Variants in LPCAT1 observed in about 807,000 individuals in gnomAD.
The protein encoded by LPCAT1 is 1-acylglycerol-3-phosphate O-acyltransferase.
In LPCAT1, 23 loss-of-function variants were observed where a neutral mutation model predicts 60.9. That is an observed-to-expected ratio of 0.38 (90% confidence interval 0.27 to 0.53). LPCAT1 has a LOEUF of 0.53. LPCAT1 is among the 20% of genes least tolerant of loss of function. LPCAT1 has a pLI of 0.82. For missense variants in LPCAT1, 622 were observed against 723.6 expected (o/e 0.86, Z 1.61); for synonymous variants, 340 against 301.1 (o/e 1.13, Z -1.34).
rs893993940 is a variant in LPCAT1, at chr5:1,496,495, C to T, written c.279-1581G>A. On this transcript the variant is annotated intron_variant, in intron 2 of 13. Coordinates refer to ENST00000283415, the MANE Select transcript of LPCAT1 (RefSeq NM_024830.5). This position sits in a 1 kb window ranked among gnomAD's most constrained non-coding sequence, Gnocchi z 4.7. ...TAAGATGGAAGAAACAAGGCAGCGG[C>T]GGAGGGAGAAGCGAGGCTGCAGAGG... Among the ~76,000 whole-genome samples the T allele has an allele frequency of 5.3e-5, 8 of 151,454 alleles. No individual in the cohort carries two copies. The highest frequency in any genetic ancestry group is 1.9e-4 in the East Asian group (1 of 5,170).
At position 1,462,054 on chromosome 5, in the gene LPCAT1, T is replaced by C. The variant is rs1040843076; in HGVS notation, c.*1597A>G. 10 of 152,446 alleles carry C rather than the reference T, an allele frequency of 6.6e-5. No homozygotes were observed. The highest frequency in any genetic ancestry group is 1.7e-4 in the African/African-American group (7 of 41,442). The allele number at this position is 152,446 out of a possible 1,614,324, so 9.4% of individuals were successfully genotyped here. A position where few individuals can be genotyped will look rare whatever the true frequency, so the allele number is the denominator to read the frequency against. On this transcript the variant is annotated 3_prime_UTR_variant, in exon 14 of 14. Transcript: ENST00000283415. ...CTAAAAAACAAGTCGAGGTGATTGA[T>C]TGAAACGGAGCTGAAGGTTGTTTTT...
chr5:1,467,724 G>T (rs750650631), intron 12 of LPCAT1, among the ~76,000 whole-genome samples: 1 of 151,186 alleles, frequency 6.6e-6, no homozygotes, highest in Admixed American at 6.6e-5. Context: ...GCTCGAGCCT[G>T]GCCCACGGGC....
chr5:1,512,712 C>T (rs2126614531), intron 1 of LPCAT1, among the ~76,000 whole-genome samples: 1 of 152,354 alleles, frequency 6.6e-6, no homozygotes, highest in East Asian at 1.9e-4. Context: ...CTAAGCGTTC[C>T]CTGACACCCT....
At chr5:1,472,593 T>C (rs967116826) in intron 11 of LPCAT1, among the ~76,000 whole-genome samples, 3 of 152,226 alleles carry the variant, frequency 2.0e-5, no homozygotes, top group African/African-American at 7.2e-5. Context: ...AACTGCACAG[T>C]GTCATAAGTT....
Position 1,502,282 on chromosome 5 carries a change from G to GC in LPCAT1, c.136-680dup, listed in dbSNP as rs1736045842. Among the ~76,000 whole-genome samples the GC allele has an allele frequency of 6.6e-6, 1 of 152,016 alleles. No individual in the cohort carries two copies. Among genetic ancestry groups the GC allele is most frequent in the South Asian group, 2.1e-4 (1 of 4,820 alleles). On this transcript the variant is annotated intron_variant, in intron 1 of 13. Coordinates refer to ENST00000283415, the MANE Select transcript of LPCAT1 (RefSeq NM_024830.5). The surrounding 1 kb of genome is among the most constrained non-coding windows in gnomAD (Gnocchi z 5.5). ...CTCCGCCCCCCAGGACACACCCCCA[G>GC]CCCCGCAGGCCTCACTCAGCAGTTT...
At chr5:1,494,160 C>T (rs754306788) in intron 3 of LPCAT1, among the ~76,000 whole-genome samples, 8 of 152,216 alleles carry the variant, frequency 5.3e-5, no homozygotes, top group Non-Finnish European at 1.0e-4. Context: ...GTTCACGGCA[C>T]AGCCGCGGTG....
At position 1,463,609 on chromosome 5, in the gene LPCAT1, T is replaced by G; in HGVS notation, c.*42A>C. On this transcript the variant is annotated 3_prime_UTR_variant, in exon 14 of 14. Coordinates refer to ENST00000283415, the MANE Select transcript of LPCAT1 (RefSeq NM_024830.5). ...CTCGCAAAGAGGCTCATGGCGGTGA[T>G]GTCCACGCGGGAGGGGCCGCGTCTC... is the stretch of plus-strand genomic sequence containing the variant. 1 of 1,602,446 alleles carries G rather than the reference T, an allele frequency of 6.2e-7. No homozygotes were observed. The highest frequency in any genetic ancestry group is 8.5e-7 in the Non-Finnish European group (1 of 1,173,036).
rs1735081040 is a variant in LPCAT1, at chr5:1,480,227, C to T, written c.762-552G>A. The T allele has an allele frequency of 3.2e-5, 13 of 411,286 alleles. No homozygotes were observed. Among genetic ancestry groups the T allele is most frequent in the Non-Finnish European group, 4.2e-5 (13 of 306,554 alleles). The allele number at this position is 411,286 out of a possible 1,614,324, so 25.5% of individuals were successfully genotyped here. A position where few individuals can be genotyped will look rare whatever the true frequency, so the allele number is the denominator to read the frequency against. On this transcript the variant is annotated intron_variant, in intron 7 of 13. Coordinates refer to ENST00000283415, the MANE Select transcript of LPCAT1 (RefSeq NM_024830.5). The surrounding 1 kb of genome is among the most constrained non-coding windows in gnomAD (Gnocchi z 6.4). ...CCCCCGGGACCCCAGAACCCCTATA[C>T]CCCCCAGAGCCCCCTCCCAGCTCTG...
chr5:1,519,535 T>C (rs956401967), intron 1 of LPCAT1, among the ~76,000 whole-genome samples: 2 of 152,158 alleles, frequency 1.3e-5, no homozygotes, highest in Non-Finnish European at 2.9e-5. Flanking sequence ...CTCGATGACT[T>C]TGAGAAAAAA....
At chr5:1,518,894 T>G (rs1053777383) in intron 1 of LPCAT1, among the ~76,000 whole-genome samples, 1 of 152,218 alleles carries the variant, frequency 6.6e-6, no homozygotes, top group African/African-American at 2.4e-5. Flanking sequence ...GGGTGTCATC[T>G]CCTGTCTGGG....
Position 1,470,928 on chromosome 5 carries a change from T to C in LPCAT1, c.1180-4A>G. On this transcript the variant is annotated splice_polypyrimidine_tract_variant and splice_region_variant and intron_variant, in intron 11 of 13. Transcript: ENST00000283415. Reference sequence around the variant, plus strand: ...GGTCCACCTCGCCGCTGCCGCTCTGTGGGGAGAGACGCTCTCAGCCACAGC... The same window carrying C: ...GGTCCACCTCGCCGCTGCCGCTCTGCGGGGAGAGACGCTCTCAGCCACAGC... 1 of 1,611,440 alleles carries C rather than the reference T, an allele frequency of 6.2e-7. No individual in the cohort carries two copies. The highest frequency in any genetic ancestry group is 8.5e-7 in the Non-Finnish European group (1 of 1,179,152).
intron 3 of LPCAT1, among the ~76,000 whole-genome samples, chr5:1,490,798 A>G (rs1735548575): frequency 6.6e-6 from 1 of 151,934 alleles, no homozygotes; most frequent in Non-Finnish European, 1.5e-5. Context: ...AGAAGAGAAA[A>G]CTCTGAAGAC....
chr5:1,509,816 T>C (rs1011912835), intron 1 of LPCAT1, among the ~76,000 whole-genome samples: 3 of 152,174 alleles, frequency 2.0e-5, no homozygotes, highest in African/African-American at 7.2e-5. Context: ...TGTGAAAAAG[T>C]GGCACCGTGA....
chr5:1,490,701 C>T (rs886528607), intron 3 of LPCAT1, among the ~76,000 whole-genome samples: 1 of 152,226 alleles, frequency 6.6e-6, no homozygotes, highest in Non-Finnish European at 1.5e-5. Flanking sequence ...AGGGACACCC[C>T]GCCATGAAGG....
In LPCAT1 at chr5:1,480,790, A is replaced by C; in HGVS notation, c.761+152T>G. 6.5e-6 allele frequency: 6 copies of C among 927,016 alleles called. No homozygotes were observed. Among genetic ancestry groups the C allele is most frequent in the Non-Finnish European group, 7.1e-6 (4 of 566,798 alleles). The allele number at this position is 927,016 out of a possible 1,614,324, so 57.4% of individuals were successfully genotyped here. Reference sequence around the variant, plus strand: ...AGTGTCAGGCCTGGGCCACATCTGTACGTTTAGTTTTCACAATGGGCTGAA... The same window carrying C: ...AGTGTCAGGCCTGGGCCACATCTGTCCGTTTAGTTTTCACAATGGGCTGAA... On this transcript the variant is annotated intron_variant, in intron 7 of 13. Transcript: ENST00000283415. This position sits in a 1 kb window ranked among gnomAD's most constrained non-coding sequence, Gnocchi z 6.4.
intron 8 of LPCAT1, among the ~76,000 whole-genome samples, chr5:1,478,234 T>C (rs1735002453): frequency 1.3e-5 from 2 of 152,264 alleles, no homozygotes; most frequent in Admixed American, 1.3e-4. Flanking sequence ...TTGCACACCG[T>C]GCAGGAAAGG....
intron 1 of LPCAT1, among the ~76,000 whole-genome samples, chr5:1,504,834 A>G (rs1009347007): frequency 1.3e-5 from 2 of 152,244 alleles, no homozygotes; most frequent in African/African-American, 4.8e-5. Flanking sequence ...ACCAGCACTA[A>G]GAGAAAGTCT....
intron 12 of LPCAT1, among the ~76,000 whole-genome samples, chr5:1,469,444 G>A (rs762072057): frequency 6.6e-5 from 10 of 152,214 alleles, no homozygotes; most frequent in East Asian, 1.9e-4. Context: ...GCTGTCATTC[G>A]TTCCAGGTTA....
At chr5:1,491,793 A>G (rs921519653) in intron 3 of LPCAT1, among the ~76,000 whole-genome samples, 1 of 152,242 alleles carries the variant, frequency 6.6e-6, no homozygotes, top group African/African-American at 2.4e-5. Context: ...AGGTCACTGA[A>G]AGGAAACTAA....
Sources: gnomAD v4.1 joint callset for allele counts (sites outside exome capture counted in the v4.1 genomes callset) on GRCh38, gnomAD v4.1.1 for gene constraint, Gnocchi (gnomAD v3.1) non-coding constraint, MANE v1.5 for transcripts, NCBI Gene and HGNC (gene_info 2026-07-23, HGNC 2026-07-21) for gene names.